AFF3: variants seen among roughly 807,000 people sequenced by gnomAD.
The protein encoded by AFF3 is ALF transcription elongation factor 3.
A neutral mutation model predicts 129.7 loss-of-function variants in AFF3; 32 were observed. The ratio of observed to expected loss-of-function variants is 0.25; its 90% CI spans 0.19 to 0.33. The LOEUF (loss-of-function observed/expected upper bound fraction) is 0.33. Among genes scored for constraint, AFF3 ranks in the 10% least tolerant of loss-of-function variants. AFF3 has a pLI of 1.00. For synonymous variants in AFF3, 644 were observed against 635.4 expected (o/e 1.01, Z -0.20); for missense variants, 1,373 against 1,592.0 (o/e 0.86, Z 2.34).
intron 7 of AFF3, among the ~76,000 whole-genome samples, chr2:99,954,203 C>A (rs1304907266): frequency 2.0e-5 from 3 of 151,498 alleles, no homozygotes; most frequent in Admixed American, 2.0e-4. Context: ...AATGCAGGGA[C>A]ATAAAAATGC....
chr2:99,633,375 G>A (rs946938990), intron 13 of AFF3, among the ~76,000 whole-genome samples: 4 of 152,096 alleles, frequency 2.6e-5, no homozygotes, highest in Admixed American at 6.5e-5. Context: ...ATGCATGGAG[G>A]GCCTGCTGGG....
chr2:99,795,851 C>T (rs1373990143), intron 8 of AFF3, among the ~76,000 whole-genome samples: 2 of 151,976 alleles, frequency 1.3e-5, no homozygotes, highest in African/African-American at 2.4e-5. Flanking sequence ...TCATGCTATT[C>T]TATTAATTTA....
chr2:99,951,674 T>A (rs1676179015), intron 7 of AFF3, among the ~76,000 whole-genome samples: 1 of 152,166 alleles, frequency 6.6e-6, no homozygotes, highest in Non-Finnish European at 1.5e-5. Flanking sequence ...AGATGGAGTT[T>A]CACTCTTGTC....
chr2:99,723,187 C>T (rs1679060721), intron 11 of AFF3, among the ~76,000 whole-genome samples: 1 of 152,134 alleles, frequency 6.6e-6, no homozygotes, highest in African/African-American at 2.4e-5. Context: ...TTAAATCGCT[C>T]CTTTCATTGC....
intron 8 of AFF3, among the ~76,000 whole-genome samples, chr2:99,817,573 G>C (rs1015231403): frequency 5.9e-5 from 9 of 152,116 alleles, no homozygotes; most frequent in Non-Finnish European, 8.8e-5. Flanking sequence ...TGTTTTTAGA[G>C]ATGGAGTCTT....
chr2:99,699,345 T>C (rs571311433), intron 11 of AFF3, among the ~76,000 whole-genome samples: 8 of 152,250 alleles, frequency 5.3e-5, no homozygotes, highest in African/African-American at 1.9e-4. Context: ...CACTGGGTCA[T>C]GGGCAGGACA....
intron 7 of AFF3, among the ~76,000 whole-genome samples, chr2:99,911,226 T>C (rs951850992): frequency 1.1e-4 from 17 of 151,982 alleles, no homozygotes; most frequent in African/African-American, 4.1e-4. Flanking sequence ...TGGGTCTTCA[T>C]GATTTTGCAT....
Position 99,622,066 on chromosome 2 carries a change from G to A in AFF3, c.1185-20445C>T, listed in dbSNP as rs181462822. ...ATAGGGTGTGAAGCTGAAATTCTAT[G>A]AGCAAATCTATGTAATTTAAATAAG... is the stretch of plus-strand genomic sequence containing the variant. On this transcript the variant is annotated intron_variant, in intron 13 of 24. Transcript: ENST00000672756. Among the ~76,000 whole-genome samples, 488 of 152,280 alleles carry A rather than the reference G, an allele frequency of 3.2e-3. 1 individual carries two copies. Among genetic ancestry groups the A allele is most frequent in the African/African-American group, 0.011 (466 of 41,556 alleles).
Position 99,647,897 on chromosome 2 carries a change from A to G in AFF3, c.1184+1729T>C, listed in dbSNP as rs534119853. ...GGGCTTGACAAGGGATTTTTTGTGA[A>G]AATATCAGAAAAAAAGGAAATGGCA... On this transcript the variant is annotated intron_variant, in intron 13 of 24. Transcript: ENST00000672756. Among the ~76,000 whole-genome samples the G allele has an allele frequency of 5.3e-5, 8 of 152,276 alleles. No individual in the cohort carries two copies. The South Asian group carries it at 1.7e-3, about 32-fold the overall frequency.
intron 10 of AFF3, among the ~76,000 whole-genome samples, chr2:99,731,136 T>G (rs1679796875): frequency 6.6e-6 from 1 of 152,042 alleles, no homozygotes; most frequent in Admixed American, 6.6e-5. Flanking sequence ...TTTTATATTT[T>G]TAGTAGAGAT....
At chr2:99,945,788 A>G (rs553022039) in intron 7 of AFF3, among the ~76,000 whole-genome samples, 1 of 152,312 alleles carries the variant, frequency 6.6e-6, no homozygotes, top group South Asian at 2.1e-4. Flanking sequence ...ACTCCCTGAA[A>G]GTAAGCCATG....
intron 17 of AFF3, among the ~76,000 whole-genome samples, chr2:99,579,127 T>G (rs1324460368): frequency 1.3e-5 from 2 of 152,170 alleles, no homozygotes; most frequent in Non-Finnish European, 2.9e-5. Flanking sequence ...ATAAATCGAC[T>G]GGGCACGGTG....
rs971437968 is a variant in AFF3, at chr2:99,758,652, G to A, written c.922-6351C>T. Among the ~76,000 whole-genome samples the A allele has an allele frequency of 1.5e-4, 23 of 150,570 alleles. No individual in the cohort carries two copies. In the East Asian group the frequency reaches 4.3e-3, roughly 28 times the overall value. On this transcript the variant is annotated intron_variant, in intron 8 of 24. Coordinates refer to ENST00000672756, the MANE Select transcript of AFF3 (RefSeq NM_001386135.1). The stretch of plus-strand genomic sequence containing the variant: ...CAATGATGATGATGATGGCAATGGT[G>A]ACGCTGAAGATGATGATGGCTCCTA...
At position 99,652,717 on chromosome 2, in the gene AFF3, T is replaced by C. The variant is rs558683769; in HGVS notation, c.1144-3051A>G. Among the ~76,000 whole-genome samples the C allele has an allele frequency of 3.9e-5, 6 of 152,234 alleles. No individual in the cohort carries two copies. The East Asian group carries it at 1.2e-3, about 29-fold the overall frequency. On this transcript the variant is annotated intron_variant, in intron 12 of 24. Transcript: ENST00000672756. Reference sequence around the variant, plus strand: ...CTCCGGCTTAGTTTCCAAACCACCCTTTCCTTCTCTGAATAGGGTGCTGAA... The same window carrying C: ...CTCCGGCTTAGTTTCCAAACCACCCCTTCCTTCTCTGAATAGGGTGCTGAA...
At chr2:99,615,651 C>T (rs953794464) in intron 13 of AFF3, among the ~76,000 whole-genome samples, 4 of 152,178 alleles carry the variant, frequency 2.6e-5, no homozygotes, top group African/African-American at 4.8e-5. Flanking sequence ...ATCTGGTGGG[C>T]GTGTGGGAGC....
chr2:99,777,944 AAGC>A (rs1175249586), intron 8 of AFF3, among the ~76,000 whole-genome samples: 1 of 143,010 alleles, frequency 7.0e-6, no homozygotes, highest in Admixed American at 6.9e-5. Context: ...AAAAAAGCAA[AAGC>A]AAAAAAAAAA....
intron 2 of AFF3, among the ~76,000 whole-genome samples, chr2:100,125,743 G>C (rs1692157250): frequency 6.6e-6 from 1 of 152,164 alleles, no homozygotes; most frequent in Non-Finnish European, 1.5e-5. Context: ...AGCCAGCCAA[G>C]GAAGGAGAGG....
At position 99,586,377 on chromosome 2, in the gene AFF3, G is replaced by A. The variant is rs147736307; in HGVS notation, c.2591+777C>T. Among the ~76,000 whole-genome samples, 1,001 of 152,236 alleles carry A rather than the reference G, an allele frequency of 6.6e-3. 15 individuals carry two copies. Among genetic ancestry groups the A allele is most frequent in the African/African-American group, 0.022 (934 of 41,536 alleles). On this transcript the variant is annotated intron_variant, in intron 16 of 24. Coordinates refer to ENST00000672756, the MANE Select transcript of AFF3 (RefSeq NM_001386135.1). ...TGCACCCTCACCCTCCAGTTCCCTC[G>A]CCAAGTTTTAGCACTGCTCTACATC...
intron 7 of AFF3, among the ~76,000 whole-genome samples, chr2:99,914,334 T>C (rs1215566567): frequency 1.3e-5 from 2 of 152,202 alleles, no homozygotes; most frequent in East Asian, 3.8e-4. Flanking sequence ...TGGCTTTTAT[T>C]CTTCAAAAAT....
Sources: allele counts gnomAD v4.1 joint callset (sites outside exome capture counted in the v4.1 genomes callset), GRCh38; gene constraint gnomAD v4.1.1; transcripts MANE v1.5; gene names NCBI Gene and HGNC (gene_info 2026-07-23, HGNC 2026-07-21).